The following HDAC9 variants were observed in gnomAD, a reference collection of about 807,000 sequenced individuals.
HDAC9 encodes histone deacetylase 9, also known as MEF-2 interacting transcription repressor (MITR) protein.
HDAC9 carries 41 observed loss-of-function variants against 139.4 expected under a neutral mutation model. The observed-to-expected ratio is 0.29, with a 90% CI of 0.23 to 0.38. HDAC9 has a LOEUF of 0.38. HDAC9 is among the 10% of genes least tolerant of loss of function. HDAC9 has a pLI of 1.00. For missense variants in HDAC9, 1,147 were observed against 1,297.0 expected (o/e 0.88, Z 1.78); for synonymous variants, 517 against 476.2 (o/e 1.09, Z -1.12).
chr7:18,363,585 T>C (rs927013621), intron 1 of HDAC9, among the ~76,000 whole-genome samples: 2 of 152,192 alleles, frequency 1.3e-5, no homozygotes, highest in Non-Finnish European at 2.9e-5. Flanking sequence ...TTTGAAGTGC[T>C]GTTATTGATT....
In HDAC9 at chr7:18,648,735, G is replaced by A. The variant is rs911943820; in HGVS notation, c.1467+52G>A. On this transcript the variant is annotated intron_variant, in intron 11 of 25. Transcript: ENST00000686413. ...TTCTAACCGCCAGTTTGGAAATTGGGTATCTCTTCACTGATATGGGTGTCT... is the reference window on the plus strand; with the variant it reads ...TTCTAACCGCCAGTTTGGAAATTGGATATCTCTTCACTGATATGGGTGTCT... 3.4e-6 allele frequency: 5 copies of A among 1,479,556 alleles called. No homozygotes were observed. The African/African-American group carries it at 4.2e-5, about 12-fold the overall frequency. The allele number at this position is 1,479,556 out of a possible 1,614,324, so 91.7% of individuals were successfully genotyped here.
intron 22 of HDAC9, among the ~76,000 whole-genome samples, chr7:18,915,955 A>C (rs550974784): frequency 6.7e-6 from 1 of 150,224 alleles, no homozygotes; most frequent in South Asian, 2.1e-4. Context: ...GTAGATGTTA[A>C]GGCTTCGCAT....
intron 2 of HDAC9, among the ~76,000 whole-genome samples, chr7:18,555,335 T>C (rs1818470072): frequency 6.6e-6 from 1 of 152,202 alleles, no homozygotes; most frequent in South Asian, 2.1e-4. Flanking sequence ...TTCAAAACTG[T>C]TACTAACAGC....
chr7:18,227,896 C>CTTTTTTTTTTTTTTCTTTTTTT (rs1279232802), intron 2 of HDAC9, among the ~76,000 whole-genome samples: 1 of 152,108 alleles, frequency 6.6e-6, no homozygotes, highest in African/African-American at 2.4e-5. Flanking sequence ...GTCTCTTTTT[C>CTTTTTTTTTTTTTTCTTTTTTT]TAAGCCGCTG....
chr7:18,757,219 G>C (rs1031081599), intron 14 of HDAC9, among the ~76,000 whole-genome samples: 2 of 151,976 alleles, frequency 1.3e-5, no homozygotes, highest in Non-Finnish European at 2.9e-5. Context: ...TTTAACCTTT[G>C]AATTTCTTCA....
At chr7:18,616,218 C>T (rs1298247696) in intron 6 of HDAC9, among the ~76,000 whole-genome samples, 2 of 152,196 alleles carry the variant, frequency 1.3e-5, no homozygotes, top group Non-Finnish European at 1.5e-5. Flanking sequence ...ACCTTTACCA[C>T]CTAATGTGAT....
chr7:18,611,346 T>G (rs1160085224), intron 6 of HDAC9, among the ~76,000 whole-genome samples: 3 of 152,152 alleles, frequency 2.0e-5, no homozygotes, highest in Non-Finnish European at 4.4e-5. Flanking sequence ...TGTTCAATAA[T>G]AATTTTGAAG....
intron 1 of HDAC9, among the ~76,000 whole-genome samples, chr7:18,470,365 A>G (rs1184666585): frequency 6.6e-6 from 1 of 152,098 alleles, no homozygotes; most frequent in Admixed American, 6.5e-5. Context: ...AAGCTACTAT[A>G]ATCTCTAATT....
intron 2 of HDAC9, among the ~76,000 whole-genome samples, chr7:18,539,391 G>A (rs956728316): frequency 5.3e-5 from 8 of 152,176 alleles, no homozygotes; most frequent in Non-Finnish European, 1.5e-5. Context: ...GGAAAGATGG[G>A]AAACTGTCAC....
chr7:18,708,597 A>G (rs937723325), intron 12 of HDAC9, among the ~76,000 whole-genome samples: 1 of 152,180 alleles, frequency 6.6e-6, no homozygotes, highest in Non-Finnish European at 1.5e-5. Flanking sequence ...AATAAGCCAG[A>G]AGAAGGCTGA....
rs550946960 is a variant in HDAC9, at chr7:18,434,887, C to T, written c.-41-61375C>T. Among the ~76,000 whole-genome samples the T allele has an allele frequency of 7.9e-5, 12 of 152,030 alleles. No individual in the cohort carries two copies. The South Asian group carries it at 2.3e-3, about 29-fold the overall frequency. The stretch of plus-strand genomic sequence containing the variant: ...CCATTCAACCCATCAATCTCATTAT[C>T]GGGTATATTCCCAAAGGAATATAAA... On this transcript the variant is annotated intron_variant, in intron 1 of 3. Coordinates refer to the HDAC9 transcript ENST00000413509.
At chr7:18,477,371 A>G (rs1366716674) in intron 1 of HDAC9, among the ~76,000 whole-genome samples, 1 of 152,046 alleles carries the variant, frequency 6.6e-6, no homozygotes, top group Non-Finnish European at 1.5e-5. Flanking sequence ...AAGGCTGACA[A>G]ACAGGGTGAT....
intron 2 of HDAC9, among the ~76,000 whole-genome samples, chr7:18,226,397 T>G (rs1003759532): frequency 1.3e-5 from 2 of 151,942 alleles, no homozygotes; most frequent in African/African-American, 4.8e-5. Context: ...ATGCTCCCTG[T>G]AGGTGAGCTA....
At chr7:18,588,474 C>A (rs528930624) in intron 3 of HDAC9, among the ~76,000 whole-genome samples, 9 of 152,082 alleles carry the variant, frequency 5.9e-5, no homozygotes, top group African/African-American at 2.2e-4. Context: ...TTCATATACA[C>A]CTTATACACA....
intron 6 of HDAC9, among the ~76,000 whole-genome samples, chr7:18,615,981 A>G (rs1252840543): frequency 6.6e-6 from 1 of 152,154 alleles, no homozygotes; most frequent in Middle Eastern, 3.2e-3. Flanking sequence ...GACTCTGGGA[A>G]TGAATCCCTC....
At chr7:18,779,056 C>G (rs904653858) in intron 16 of HDAC9, among the ~76,000 whole-genome samples, 1 of 152,048 alleles carries the variant, frequency 6.6e-6, no homozygotes, top group African/African-American at 2.4e-5. Context: ...TACTTGGAAT[C>G]TGAACGTCTT....
At chr7:18,961,696 A>G (rs1227854060) in intron 24 of HDAC9, among the ~76,000 whole-genome samples, 1 of 152,212 alleles carries the variant, frequency 6.6e-6, no homozygotes, top group Non-Finnish European at 1.5e-5. Flanking sequence ...ACTATTAAAA[A>G]TTAATTTGTT....
intron 16 of HDAC9, among the ~76,000 whole-genome samples, chr7:18,778,487 A>G (rs1475393719): frequency 6.6e-6 from 1 of 152,012 alleles, no homozygotes; most frequent in Admixed American, 6.6e-5. Flanking sequence ...CCAGTGAATA[A>G]AAAGATTGGC....
In HDAC9 at chr7:18,302,934, T is replaced by G. The variant is rs545625142; in HGVS notation, c.-42+12419T>G. Among the ~76,000 whole-genome samples the G allele has an allele frequency of 2.6e-5, 4 of 152,308 alleles. No homozygotes were observed. The South Asian group carries it at 8.3e-4, about 32-fold the overall frequency. On this transcript the variant is annotated intron_variant, in intron 1 of 3. Coordinates refer to the HDAC9 transcript ENST00000413509. ...GTTAACAATAGTTAATCATCTCAGT[T>G]AAGTAACTTTTTCCTTCAGGTCTTA...
Sources: allele counts gnomAD v4.1 joint callset (sites outside exome capture counted in the v4.1 genomes callset), GRCh38; gene constraint gnomAD v4.1.1; transcripts MANE v1.5; gene names NCBI Gene and HGNC (gene_info 2026-07-23, HGNC 2026-07-21).